RDX: variants seen among roughly 807,000 people sequenced by gnomAD.
RDX encodes deafness, autosomal recessive 24.
RDX carries 32 observed loss-of-function variants against 83.7 expected under a neutral mutation model. That is an observed-to-expected ratio of 0.38 (90% CI 0.29 to 0.51). The LOEUF is 0.51. RDX is among the 20% of genes least tolerant of loss of function. The pLI is 0.87. For missense variants in RDX, 600 were observed against 689.9 expected, an observed-to-expected ratio of 0.87 and a Z score of 1.46; for synonymous variants, 229 against 222.7, an observed-to-expected ratio of 1.03 and a Z score of -0.25.
intron 14 of RDX, among the ~76,000 whole-genome samples, chr11:110,215,304 A>G (rs1486337000): frequency 2.0e-5 from 3 of 150,568 alleles, no homozygotes; most frequent in East Asian, 3.9e-4. Context: ...CAGAGGTTGC[A>G]GTGAGCTGAG....
downstream of RDX, among the ~76,000 whole-genome samples, chr11:110,227,060 T>C (rs954749289): frequency 3.3e-5 from 5 of 152,254 alleles, no homozygotes; most frequent in East Asian, 9.6e-4. Context: ...ATGCTAGACT[T>C]GAATTTCATA....
intron 12 of RDX, among the ~76,000 whole-genome samples, chr11:110,234,584 CATTTTCTA>C (rs1411915161): frequency 6.6e-6 from 1 of 152,056 alleles, no homozygotes; most frequent in Non-Finnish European, 1.5e-5. Context: ...CTTTTGTGTG[CATTTTCTA>C]ATTTTCTATA....
At chr11:110,232,321 CTAA>C (rs1247500943) in intron 13 of RDX, among the ~76,000 whole-genome samples, 1 of 152,102 alleles carries the variant, frequency 6.6e-6, no homozygotes, top group Non-Finnish European at 1.5e-5. Flanking sequence ...CCATTACAGA[CTAA>C]TATTACTATG....
chr11:110,251,549 T>C (rs1328968784), intron 9 of RDX, among the ~76,000 whole-genome samples: 3 of 152,180 alleles, frequency 2.0e-5, no homozygotes, highest in African/African-American at 7.2e-5. Context: ...CCCAGATTTA[T>C]CTAGTTCCAA....
downstream of RDX, among the ~76,000 whole-genome samples, chr11:110,225,762 C>G (rs1264250756): frequency 6.6e-6 from 1 of 152,026 alleles, no homozygotes; most frequent in Non-Finnish European, 1.5e-5. Flanking sequence ...ATATTAAACA[C>G]AGGGCCAGGT....
chr11:110,278,583 C>G (rs912303493), intron 2 of RDX, among the ~76,000 whole-genome samples: 6 of 151,860 alleles, frequency 4.0e-5, no homozygotes, highest in Non-Finnish European at 8.8e-5. Flanking sequence ...TTAATACAAT[C>G]TTGCATCTGG....
chr11:110,189,389 GA>G (rs1439429259), intron 15 of RDX, among the ~76,000 whole-genome samples: 2 of 151,998 alleles, frequency 1.3e-5, no homozygotes, highest in East Asian at 3.9e-4. Context: ...TCTGGACTAT[GA>G]AAATACTTAG....
At position 110,257,917 on chromosome 11, in the gene RDX, T is replaced by C. The variant is rs764874626; in HGVS notation, c.552-4A>G. The C allele has an allele frequency of 1.5e-5, 24 of 1,611,062 alleles. No homozygotes were observed. The highest frequency in any genetic ancestry group is 2.0e-5 in the Non-Finnish European group (23 of 1,177,782). On this transcript the variant is annotated splice_region_variant and splice_polypyrimidine_tract_variant and intron_variant, in intron 6 of 13. Coordinates refer to ENST00000645495, the MANE Select transcript of RDX (RefSeq NM_002906.4). ...GTATTCCATCATAGAATCCTCCCTG[T>C]TGAAATAAAACTAAATGTAATATAT...
intron 14 of RDX, among the ~76,000 whole-genome samples, chr11:110,201,221 A>C (rs1863390063): frequency 1.3e-5 from 2 of 151,378 alleles, no homozygotes; most frequent in Admixed American, 1.3e-4. Context: ...CAAAATGTAT[A>C]GCTGTAGTTT....
intron 14 of RDX, among the ~76,000 whole-genome samples, chr11:110,206,620 T>C (rs975469927): frequency 1.3e-5 from 2 of 152,234 alleles, no homozygotes; most frequent in Non-Finnish European, 2.9e-5. Context: ...TATATATACA[T>C]ATATTCCATC....
chr11:110,232,392 G>T (rs149970936), intron 13 of RDX, among the ~76,000 whole-genome samples: 1 of 152,160 alleles, frequency 6.6e-6, no homozygotes, highest in African/African-American at 2.4e-5. Context: ...TACATTTATT[G>T]TAACTATCAC....
intron 10 of RDX, among the ~76,000 whole-genome samples, chr11:110,238,984 A>G (rs1390494216): frequency 6.6e-6 from 1 of 150,540 alleles, no homozygotes; most frequent in African/African-American, 2.4e-5. Flanking sequence ...TTGGAGAAGA[A>G]TGACTCTTTG....
chr11:110,183,947 C>T (rs1211249005), intron 15 of RDX, among the ~76,000 whole-genome samples: 4 of 152,218 alleles, frequency 2.6e-5, no homozygotes, highest in African/African-American at 9.6e-5. Context: ...GGAGGGCTGT[C>T]CTGTGCATTG....
chr11:110,219,767 A>T (rs186112500), intron 14 of RDX, among the ~76,000 whole-genome samples: 2 of 152,238 alleles, frequency 1.3e-5, no homozygotes, highest in African/African-American at 4.8e-5. Flanking sequence ...TGAGTTTAAC[A>T]TAAGTTTGAG....
intron 5 of RDX, among the ~76,000 whole-genome samples, chr11:110,259,827 T>C (rs1262245151): frequency 6.6e-6 from 1 of 152,118 alleles, no homozygotes; most frequent in South Asian, 2.1e-4. Context: ...AATGAATTAA[T>C]CAATTTTTCC....
rs1053276088 is a variant in RDX at position 110,258,249 on chromosome 11, T to C, written c.468-60A>G. On this transcript the variant is annotated intron_variant, in intron 5 of 13. Coordinates refer to ENST00000645495, the MANE Select transcript of RDX (RefSeq NM_002906.4). The stretch of plus-strand genomic sequence containing the variant: ...ACTTTAAGATTCAAAAGCATACACT[T>C]TAAAAGTAAAGAATCCTTTCAGTAA... 5.3e-6 allele frequency: 6 copies of C among 1,133,960 alleles called. No homozygotes were observed. In the African/African-American group the frequency reaches 9.4e-5, roughly 18 times the overall value. The allele number at this position is 1,133,960 out of a possible 1,614,324, so 70.2% of individuals were successfully genotyped here.
At position 110,267,716 on chromosome 11, in the gene RDX, C is replaced by T. The variant is rs367638495; in HGVS notation, c.97-2842G>A. 7.9e-5 allele frequency among the ~76,000 whole-genome samples: 12 copies of T among 151,740 alleles called. No homozygotes were observed. The East Asian group carries it at 2.3e-3, about 30-fold the overall frequency. ...CAGTGGCTCACATCTGTGATCCCAA[C>T]ACTTTAGGAGGCCAAGGCAGGAGGA... On this transcript the variant is annotated intron_variant, in intron 3 of 13. Coordinates refer to ENST00000645495, the MANE Select transcript of RDX (RefSeq NM_002906.4).
intron 1 of RDX, among the ~76,000 whole-genome samples, chr11:110,284,128 G>A (rs1191983559): frequency 6.6e-6 from 1 of 152,222 alleles, no homozygotes; most frequent in Non-Finnish European, 1.5e-5. Flanking sequence ...TGGTAAACAA[G>A]TAGGTAAGTA....
chr11:110,254,512 G>C (rs1859465344), intron 8 of RDX, among the ~76,000 whole-genome samples: 1 of 149,214 alleles, frequency 6.7e-6, no homozygotes, highest in South Asian at 2.1e-4. Flanking sequence ...GAGTCTTGCT[G>C]TCATCCAGGC....
Sources: gnomAD v4.1 joint callset for allele counts (sites outside exome capture counted in the v4.1 genomes callset) on GRCh38, gnomAD v4.1.1 for gene constraint, MANE v1.5 for transcripts, NCBI Gene and HGNC (gene_info 2026-07-23, HGNC 2026-07-21) for gene names.